Variants in SAMD12 observed in about 807,000 individuals in gnomAD.
The protein encoded by SAMD12 is sterile alpha motif domain-containing protein 12.
In SAMD12, 9 loss-of-function variants were observed where a neutral mutation model predicts 15.0. The ratio of observed to expected loss-of-function variants is 0.60; its 90% CI spans 0.36 to 1.05. The LOEUF is 1.05. Among genes scored for constraint, SAMD12 ranks in the 50% least tolerant of loss-of-function variants. The pLI is 0.01. For missense variants in SAMD12, 230 were observed against 234.2 expected (o/e 0.98, Z 0.12); for synonymous variants, 86 against 90.1 (o/e 0.96, Z 0.25).
chr8:118,420,671 G>T (rs906093884), intron 3 of SAMD12, among the ~76,000 whole-genome samples: 1 of 152,150 alleles, frequency 6.6e-6, no homozygotes, highest in Non-Finnish European at 1.5e-5. Flanking sequence ...CCGGATGTAA[G>T]AATTAGAGGG....
chr8:118,597,127 G>A (rs1249315614), intron 1 of SAMD12, among the ~76,000 whole-genome samples: 2 of 152,096 alleles, frequency 1.3e-5, no homozygotes, highest in Non-Finnish European at 2.9e-5. Context: ...GGCTGGAGAG[G>A]GTGGCAGGCT....
intron 2 of SAMD12, among the ~76,000 whole-genome samples, chr8:118,554,461 T>C (rs1305550547): frequency 2.7e-5 from 4 of 146,514 alleles, no homozygotes; most frequent in East Asian, 2.0e-4. Flanking sequence ...CATATTCTCA[T>C]TCATAGGTGG....
At chr8:118,491,907 T>C (rs190245825) in intron 2 of SAMD12, among the ~76,000 whole-genome samples, 12 of 152,328 alleles carry the variant, frequency 7.9e-5, no homozygotes. Flanking sequence ...GCTGTGAATA[T>C]TCACGTACAA....
chr8:118,411,156 A>G (rs1203670543), intron 3 of SAMD12, among the ~76,000 whole-genome samples: 1 of 152,222 alleles, frequency 6.6e-6, no homozygotes, highest in Admixed American at 6.5e-5. Flanking sequence ...AAGAATATCA[A>G]AAGTTTCTTT....
intron 2 of SAMD12, among the ~76,000 whole-genome samples, chr8:118,534,154 T>C (rs1345749524): frequency 6.6e-6 from 1 of 152,214 alleles, no homozygotes; most frequent in Non-Finnish European, 1.5e-5. Flanking sequence ...ACAAAATCTC[T>C]CAGCATTTGC....
intron 4 of SAMD12, among the ~76,000 whole-genome samples, chr8:118,302,236 C>T (rs572072163): frequency 5.9e-5 from 9 of 152,076 alleles, no homozygotes; most frequent in African/African-American, 1.2e-4. Context: ...CAGTTGTTCA[C>T]TTTTCTTGAA....
intron 3 of SAMD12, among the ~76,000 whole-genome samples, chr8:118,380,721 T>C (rs1250612196): frequency 6.6e-6 from 1 of 152,228 alleles, no homozygotes; most frequent in Admixed American, 6.5e-5. Flanking sequence ...GAATGATGTC[T>C]TTAGGTATAT....
intron 4 of SAMD12, among the ~76,000 whole-genome samples, chr8:118,344,847 T>C (rs2130565314): frequency 6.6e-6 from 1 of 152,322 alleles, no homozygotes; most frequent in African/African-American, 2.4e-5. Flanking sequence ...CAATATACAA[T>C]GGTGGTCCCA....
chr8:118,542,577 A>C (rs948357214), intron 2 of SAMD12, among the ~76,000 whole-genome samples: 10 of 152,216 alleles, frequency 6.6e-5, no homozygotes, highest in African/African-American at 1.9e-4. Context: ...AGAATGTGAG[A>C]AGCTTTCCCA....
At chr8:118,209,292 GA>G (rs1819953158) in intron 4 of SAMD12, among the ~76,000 whole-genome samples, 1 of 152,194 alleles carries the variant, frequency 6.6e-6, no homozygotes, top group African/African-American at 2.4e-5. Flanking sequence ...TGAGGGTGGT[GA>G]AAGGGTAGGG....
At chr8:118,382,119 T>C (rs551882409) in intron 3 of SAMD12, among the ~76,000 whole-genome samples, 10 of 152,324 alleles carry the variant, frequency 6.6e-5, no homozygotes, top group African/African-American at 2.4e-4. Flanking sequence ...ATAACAGACA[T>C]CTACATCTTT....
At chr8:118,366,876 TAA>T (rs1563799998) in intron 4 of SAMD12, among the ~76,000 whole-genome samples, 1 of 114,634 alleles carries the variant, frequency 8.7e-6, no homozygotes, top group African/African-American at 3.6e-5. Context: ...TAAAATAAAA[TAA>T]AATAATAAAA....
intron 2 of SAMD12, among the ~76,000 whole-genome samples, chr8:118,542,801 A>C (rs1388606308): frequency 6.6e-6 from 1 of 152,236 alleles, no homozygotes; most frequent in Non-Finnish European, 1.5e-5. Flanking sequence ...AATCTTGTGC[A>C]TGTAAAATAA....
At chr8:118,478,561 T>G (rs1047374495) in intron 2 of SAMD12, among the ~76,000 whole-genome samples, 6 of 152,236 alleles carry the variant, frequency 3.9e-5, no homozygotes, top group African/African-American at 1.4e-4. Flanking sequence ...CAACTCATAA[T>G]TGTTCCCCTT....
the SAMD12 span, among the ~76,000 whole-genome samples, chr8:118,174,327 A>G: frequency 6.6e-6 from 1 of 152,192 alleles, no homozygotes; most frequent in African/African-American, 2.4e-5. Flanking sequence ...GAGGACACTC[A>G]GTTCAGATTT....
chr8:118,317,110 T>C (rs1410489936), intron 4 of SAMD12, among the ~76,000 whole-genome samples: 2 of 152,312 alleles, frequency 1.3e-5, no homozygotes, highest in South Asian at 4.1e-4. Flanking sequence ...GACAGCCATC[T>C]ACAAGCAAAG....
At chr8:118,455,708 C>T (rs1337505560) in intron 2 of SAMD12, among the ~76,000 whole-genome samples, 1 of 152,178 alleles carries the variant, frequency 6.6e-6, no homozygotes, top group Non-Finnish European at 1.5e-5. Flanking sequence ...TTAACACGCT[C>T]AAAACAAAAT....
At chr8:118,487,306 A>G (rs932291310) in intron 2 of SAMD12, among the ~76,000 whole-genome samples, 1 of 152,222 alleles carries the variant, frequency 6.6e-6, no homozygotes, top group African/African-American at 2.4e-5. Context: ...CCTCTGGGAA[A>G]TGACTAAGCT....
rs562816411 is a variant in SAMD12, at chr8:118,561,247, C to T, written c.192+19468G>A. Among the ~76,000 whole-genome samples the T allele has an allele frequency of 2.0e-5, 3 of 152,230 alleles. No individual in the cohort carries two copies. The South Asian group carries it at 6.2e-4, about 32-fold the overall frequency. On this transcript the variant is annotated intron_variant, in intron 2 of 3. Transcript: ENST00000314727. Reference sequence around the variant, plus strand: ...AATTGAAACTTTTGATAATGTATAGCAAATAAATCTATTTGGTGAAAACAA... The same window carrying T: ...AATTGAAACTTTTGATAATGTATAGTAAATAAATCTATTTGGTGAAAACAA...
Sources: allele counts gnomAD v4.1 joint callset (sites outside exome capture counted in the v4.1 genomes callset), GRCh38; gene constraint gnomAD v4.1.1; transcripts MANE v1.5; gene names NCBI Gene and HGNC (gene_info 2026-07-23, HGNC 2026-07-21).